EVL: variants seen among roughly 807,000 people sequenced by gnomAD.
EVL encodes the protein Enah/Vasp-like.
Under a neutral mutation model 59.6 loss-of-function variants are expected in EVL, and 21 were observed. The ratio of observed to expected loss-of-function variants is 0.35; its 90% CI spans 0.25 to 0.51. The LOEUF is 0.51. Ranked by LOEUF, EVL falls within the 20% of genes least tolerant of loss-of-function variation. The pLI is 0.97. For missense variants in EVL, 462 were observed against 546.6 expected, an observed-to-expected ratio of 0.85 and a Z score of 1.54; for synonymous variants, 198 against 203.5, an observed-to-expected ratio of 0.97 and a Z score of 0.23.
rs1885897607 is a variant in EVL at position 100,097,463 on chromosome 14, C to G, written c.181-18C>G. The G allele has an allele frequency of 1.3e-6, 2 of 1,587,230 alleles. No individual in the cohort carries two copies. Among genetic ancestry groups the G allele is most frequent in the South Asian group, 2.3e-5 (2 of 87,512 alleles). On this transcript the variant is annotated intron_variant, in intron 2 of 13. Coordinates refer to ENST00000392920, the MANE Select transcript of EVL (RefSeq NM_016337.3). ...ATTTTATTTATTTACACGTATTTCTCTCTCCTTTCTCCTCCAGGTTGTGAT... is the reference window on the plus strand; with the variant it reads ...ATTTTATTTATTTACACGTATTTCTGTCTCCTTTCTCCTCCAGGTTGTGAT...
chr14:100,142,665 C>A (rs1015501083), intron 13 of EVL, among the ~76,000 whole-genome samples: 2 of 152,184 alleles, frequency 1.3e-5, no homozygotes, highest in African/African-American at 4.8e-5. Flanking sequence ...CCTCCTCCCC[C>A]AGCCGGCCCA....
intron 1 of EVL, among the ~76,000 whole-genome samples, chr14:100,036,121 AT>A (rs1342627363): frequency 6.6e-6 from 1 of 152,164 alleles, no homozygotes; most frequent in East Asian, 1.9e-4. Flanking sequence ...TTAGATTGTC[AT>A]AGGACCAGAA....
intron 4 of EVL, among the ~76,000 whole-genome samples, chr14:100,124,078 TTG>T (rs1566717235): frequency 5.3e-5 from 8 of 152,218 alleles, no homozygotes; most frequent in Admixed American, 5.2e-4. Context: ...GCCAAGGCTG[TTG>T]TCCCGAAATT....
chr14:100,090,443 C>T (rs978755710), intron 2 of EVL, among the ~76,000 whole-genome samples: 4 of 152,166 alleles, frequency 2.6e-5, no homozygotes, highest in Non-Finnish European at 5.9e-5. Flanking sequence ...CCTATAATGT[C>T]TTCTTACAAC....
At chr14:100,041,391 A>G (rs2061465319) in intron 1 of EVL, among the ~76,000 whole-genome samples, 1 of 152,214 alleles carries the variant, frequency 6.6e-6, no homozygotes. Context: ...GATACAATGT[A>G]TCAGAAAGAA....
In EVL at chr14:100,042,061, A is replaced by T. The variant is rs957918334; in HGVS notation, c.6-42626A>T. Among the ~76,000 whole-genome samples the T allele has an allele frequency of 3.0e-4, 46 of 152,364 alleles. 1 individual carries two copies. Among genetic ancestry groups the T allele is most frequent in the African/African-American group, 1.1e-3 (46 of 41,580 alleles). The stretch of plus-strand genomic sequence containing the variant: ...TAAAAAGAATGGATCATATTAATTT[A>T]AAAAATATATGTGTTTAAACTACTG... On this transcript the variant is annotated intron_variant, in intron 1 of 13. Coordinates refer to the EVL transcript ENST00000402714.
In EVL at chr14:100,130,456, C is replaced by G. The variant is rs1057046470; in HGVS notation, c.839+772C>G. Among the ~76,000 whole-genome samples, 1 of 152,216 alleles carries G rather than the reference C, an allele frequency of 6.6e-6. No individual in the cohort carries two copies. The highest frequency in any genetic ancestry group is 1.5e-5 in the Non-Finnish European group (1 of 68,024). On this transcript the variant is annotated intron_variant, in intron 7 of 13. Transcript: ENST00000392920. The surrounding 1 kb of genome is among the most constrained non-coding windows in gnomAD (Gnocchi z 4.8). ...GGCACCAGAGGGCACGGGAGTAGGC[C>G]TCACCTGCCAGAACAGAGGAAGCTG...
intron 1 of EVL, chr14:100,019,457 C>T: frequency 1.8e-6 from 1 of 540,560 alleles, no homozygotes; most frequent in Non-Finnish European, 3.2e-6. Context: ...TTCTAGCTGC[C>T]TCCCCTGTTA....
At chr14:100,118,725 C>T (rs1045515220) in intron 3 of EVL, among the ~76,000 whole-genome samples, 2 of 152,234 alleles carry the variant, frequency 1.3e-5, no homozygotes, top group Non-Finnish European at 2.9e-5. Flanking sequence ...CTCACCACCC[C>T]TCCCTTTCAG....
In EVL at chr14:100,126,694, G is replaced by A. The variant is rs574394605; in HGVS notation, c.423-13G>A. The A allele has an allele frequency of 6.2e-7, 1 of 1,614,078 alleles. No individual in the cohort carries two copies. The highest frequency in any genetic ancestry group is 1.7e-5 in the Admixed American group (1 of 60,010). On this transcript the variant is annotated splice_polypyrimidine_tract_variant and intron_variant, in intron 4 of 13. Coordinates refer to ENST00000392920, the MANE Select transcript of EVL (RefSeq NM_016337.3). ...TGGAGGAGTCAGACTGCCCTGCTGTGATTACTTTCCAGACAAGTGATGGAG... is the reference window on the plus strand; with the variant it reads ...TGGAGGAGTCAGACTGCCCTGCTGTAATTACTTTCCAGACAAGTGATGGAG...
intron 1 of EVL, among the ~76,000 whole-genome samples, chr14:100,032,401 C>T (rs2061327666): frequency 1.3e-5 from 2 of 152,162 alleles, no homozygotes; most frequent in Admixed American, 1.3e-4. Flanking sequence ...CTGGTATGAA[C>T]AAAATACTAA....
intron 3 of EVL, among the ~76,000 whole-genome samples, chr14:100,116,544 T>C (rs1011221686): frequency 6.6e-6 from 1 of 152,180 alleles, no homozygotes; most frequent in Non-Finnish European, 1.5e-5. Flanking sequence ...GAGGAAGGCC[T>C]TCTTCAGGAG....
intron 1 of EVL, among the ~76,000 whole-genome samples, chr14:99,976,171 A>G (rs2060768899): frequency 6.6e-6 from 1 of 150,796 alleles, no homozygotes; most frequent in Non-Finnish European, 1.5e-5. Context: ...ACACGCCCCC[A>G]TGGCCAGCTT....
chr14:100,097,800 C>T (rs559939664), intron 3 of EVL, 142 bp downstream of exon 3: 3 of 685,848 alleles, frequency 4.4e-6, no homozygotes, highest in Non-Finnish European at 4.7e-6. Context: ...AAACCTGCTG[C>T]CTGCCTTTAG....
intron 8 of EVL, 25 bp from the exon 9 acceptor site, chr14:100,135,880 C>A (rs774112445): frequency 2.5e-6 from 4 of 1,613,350 alleles, no homozygotes; most frequent in Non-Finnish European, 3.4e-6. Context: ...CCTTCCTAAA[C>A]AGACTCCCTT....
chr14:100,038,530 G>A (rs976708530), intron 1 of EVL, among the ~76,000 whole-genome samples: 5 of 152,154 alleles, frequency 3.3e-5, no homozygotes, highest in Admixed American at 3.3e-4. Context: ...CTTAACAAGC[G>A]GAACAAGTCT....
At chr14:100,125,221 C>A (rs8016260) in intron 4 of EVL, among the ~76,000 whole-genome samples, 91,164 of 120,004 alleles carry the variant, frequency 0.76, 34,586 homozygotes, top group African/African-American at 0.85. Flanking sequence ...ATCACACACA[C>A]AGACACACAC....
intron 3 of EVL, among the ~76,000 whole-genome samples, chr14:100,119,514 C>A (rs1311836406): frequency 1.3e-5 from 2 of 152,166 alleles, no homozygotes; most frequent in Admixed American, 1.3e-4. Context: ...TGCACGCAGC[C>A]TGTGGAGAAG....
intron 3 of EVL, among the ~76,000 whole-genome samples, chr14:100,123,249 TGA>T (rs1887812870): frequency 6.6e-6 from 1 of 152,084 alleles, no homozygotes; most frequent in Admixed American, 6.6e-5. Flanking sequence ...GAAGATAGTT[TGA>T]GAGAGAAGGC....
Sources: allele counts gnomAD v4.1 joint callset (sites outside exome capture counted in the v4.1 genomes callset), GRCh38; gene constraint gnomAD v4.1.1; non-coding constraint Gnocchi (gnomAD v3.1); transcripts MANE v1.5; gene names NCBI Gene and HGNC (gene_info 2026-07-23, HGNC 2026-07-21).